Variants in SLC27A2 observed in about 807,000 individuals in gnomAD.
SLC27A2 encodes long-chain fatty acid transport protein 2.
A neutral mutation model predicts 60.0 loss-of-function variants in SLC27A2; 54 were observed. The observed-to-expected ratio is 0.90, with a 90% CI of 0.72 to 1.13. The LOEUF (loss-of-function observed/expected upper bound fraction) is 1.13. Ranked by LOEUF, SLC27A2 falls within the 50% of genes most tolerant of loss-of-function variation. SLC27A2 has a pLI of 0.00. For synonymous variants in SLC27A2, 297 were observed against 297.6 expected (o/e 1.00, Z 0.02); for missense variants, 739 against 777.6 (o/e 0.95, Z 0.59).
At chr15:50,184,885 G>A (rs939264374) in intron 1 of SLC27A2, among the ~76,000 whole-genome samples, 4 of 152,100 alleles carry the variant, frequency 2.6e-5, no homozygotes, top group African/African-American at 7.2e-5. Flanking sequence ...TAAATTATTT[G>A]GAAGAGATGG....
intron 1 of SLC27A2, among the ~76,000 whole-genome samples, chr15:50,196,067 A>ATAAAAATAAAAAT (rs71424049): frequency 4.1e-5 from 1 of 24,120 alleles, no homozygotes; most frequent in Non-Finnish European, 8.7e-5. Flanking sequence ...AAAAAAAAAA[A>ATAAAAATAAAAAT]AAAAAAAAAA....
intron 1 of SLC27A2, among the ~76,000 whole-genome samples, chr15:50,194,383 A>G (rs1490876702): frequency 6.6e-6 from 1 of 152,140 alleles, no homozygotes; most frequent in Non-Finnish European, 1.5e-5. Context: ...ACGTGAGCAT[A>G]CAGGTACCTT....
Position 50,182,573 on chromosome 15 carries a change from G to C in SLC27A2, c.146G>C (p.Arg49Pro). 6.2e-7 allele frequency: 1 copy of C among 1,611,238 alleles called. No individual in the cohort carries two copies. Among genetic ancestry groups the C allele is most frequent in the Non-Finnish European group, 8.5e-7 (1 of 1,178,830 alleles). ...VGRRVRSYGKRRPARTILRAF... is the reference protein window; with the variant it reads ...VGRRVRSYGKPRPARTILRAF... Reference sequence around the variant, plus strand: ...CGGAGGGTGCGCAGCTACGGGAAGCGGCGGCCGGCGCGCACCATCCTGCGG... The same window carrying C: ...CGGAGGGTGCGCAGCTACGGGAAGCCGCGGCCGGCGCGCACCATCCTGCGG... The change falls in exon 1 of 10, where the codon CGG (arginine) becomes CCG (proline). Residue 49 changes from arginine (R) to proline (P), a missense_variant. Physicochemically the swap from Arg to Pro is moderately radical, Grantham distance 103. Transcript: ENST00000267842.
chr15:50,197,423 A>G, intron 1 of SLC27A2, 77 bp from the exon 2 acceptor site: 2 of 1,107,034 alleles, frequency 1.8e-6, no homozygotes, highest in East Asian at 2.4e-5. Flanking sequence ...AAATAAAATT[A>G]TGATGCTTGT....
intron 2 of SLC27A2, among the ~76,000 whole-genome samples, chr15:50,200,320 T>TG (rs1359625791): frequency 2.0e-5 from 3 of 151,992 alleles, no homozygotes; most frequent in Admixed American, 6.6e-5. Context: ...CCCAGATACC[T>TG]GGGGGGCTGA....
intron 6 of SLC27A2, among the ~76,000 whole-genome samples, chr15:50,226,667 G>A (rs1169346141): frequency 6.6e-6 from 1 of 152,172 alleles, no homozygotes; most frequent in Non-Finnish European, 1.5e-5. Context: ...GGGAGGCAGA[G>A]GTTGCAGTGA....
intron 1 of SLC27A2, 55 bp downstream of exon 1, chr15:50,182,960 G>A: frequency 6.5e-7 from 1 of 1,527,950 alleles, no homozygotes; most frequent in Non-Finnish European, 8.8e-7. Flanking sequence ...CGCCTTGACT[G>A]ACGAGCCACA....
intron 1 of SLC27A2, among the ~76,000 whole-genome samples, chr15:50,192,890 A>T (rs2044986071): frequency 6.6e-6 from 1 of 151,858 alleles, no homozygotes; most frequent in Non-Finnish European, 1.5e-5. Flanking sequence ...AAAATAAGAA[A>T]AAAAAAAGAC....
intron 1 of SLC27A2, among the ~76,000 whole-genome samples, chr15:50,191,433 G>A (rs549480991): frequency 1.6e-4 from 25 of 152,250 alleles, no homozygotes; most frequent in Admixed American, 9.8e-4. Context: ...CTGGTCAATG[G>A]GCAGGTGTGA....
At chr15:50,187,497 C>T (rs936718663) in intron 1 of SLC27A2, among the ~76,000 whole-genome samples, 1 of 152,172 alleles carries the variant, frequency 6.6e-6, no homozygotes, top group Non-Finnish European at 1.5e-5. Flanking sequence ...TCAAGACCAT[C>T]AATAAACTAG....
chr15:50,200,841 C>T (rs1448055925), intron 2 of SLC27A2, among the ~76,000 whole-genome samples: 5 of 152,194 alleles, frequency 3.3e-5, no homozygotes, highest in Non-Finnish European at 7.4e-5. Flanking sequence ...TACGGTTTTT[C>T]ACCTTTCAGA....
chr15:50,196,000 G>A (rs577463906), intron 1 of SLC27A2, among the ~76,000 whole-genome samples: 5 of 135,620 alleles, frequency 3.7e-5, no homozygotes, highest in African/African-American at 1.4e-4. Context: ...GTTGCAGTGA[G>A]CCAAGATCGC....
At chr15:50,227,494 T>G (rs1026120828) in intron 7 of SLC27A2, among the ~76,000 whole-genome samples, 4 of 152,196 alleles carry the variant, frequency 2.6e-5, no homozygotes, top group Non-Finnish European at 5.9e-5. Flanking sequence ...CAGCCAAGGA[T>G]TTTCACCTTT....
chr15:50,197,801 A>C lies in SLC27A2; in HGVS notation c.688+92A>C, dbSNP rs2045035832. The C allele has an allele frequency of 1.8e-5, 15 of 838,624 alleles. 1 individual carries two copies. In the South Asian group the frequency reaches 2.3e-4, roughly 13 times the overall value. The allele number at this position is 838,624 out of a possible 1,614,324, so 51.9% of individuals were successfully genotyped here. The stretch of plus-strand genomic sequence containing the variant: ...CAAATCTCTTTCTTTGGCAAAACGT[A>C]TTGGGTAACTAATACTTCAGGAGAT... On this transcript the variant is annotated intron_variant, in intron 2 of 9. Transcript: ENST00000267842.
chr15:50,204,309 A>G (rs1595685016), intron 3 of SLC27A2, among the ~76,000 whole-genome samples: 1 of 152,196 alleles, frequency 6.6e-6, no homozygotes, highest in African/African-American at 2.4e-5. Context: ...TTCTTAAAAA[A>G]TACAAAAATT....
chr15:50,214,424 A>G (rs2045180484), intron 4 of SLC27A2, among the ~76,000 whole-genome samples: 1 of 152,168 alleles, frequency 6.6e-6, no homozygotes, highest in African/African-American at 2.4e-5. Context: ...TTTTGACACT[A>G]TTCCACAAGA....
intron 4 of SLC27A2, among the ~76,000 whole-genome samples, chr15:50,218,682 C>A (rs1025668308): frequency 2.6e-5 from 4 of 151,930 alleles, no homozygotes; most frequent in Non-Finnish European, 5.9e-5. Flanking sequence ...TATTCCAAGT[C>A]TCCACAAAAA....
At chr15:50,186,885 A>G (rs1479353860) in intron 1 of SLC27A2, among the ~76,000 whole-genome samples, 2 of 152,244 alleles carry the variant, frequency 1.3e-5, no homozygotes, top group Non-Finnish European at 2.9e-5. Context: ...CTATCACACC[A>G]TCTTGAACAT....
rs193212765 is a variant in SLC27A2, at chr15:50,226,661, G to A, written c.1259-319G>A. On this transcript the variant is annotated intron_variant, in intron 6 of 9. Coordinates refer to ENST00000267842, the MANE Select transcript of SLC27A2 (RefSeq NM_003645.4). ...GCAGGAGAATCCCTTGACCATGGGA[G>A]GCAGAGGTTGCAGTGAGCCGAGACT... is the stretch of plus-strand genomic sequence containing the variant. 9.8e-5 allele frequency among the ~76,000 whole-genome samples: 15 copies of A among 152,318 alleles called. No individual in the cohort carries two copies. In the East Asian group the frequency reaches 2.9e-3, roughly 29 times the overall value.
Sources: gnomAD v4.1 joint callset for allele counts (sites outside exome capture counted in the v4.1 genomes callset) on GRCh38, gnomAD v4.1.1 for gene constraint, MANE v1.5 for transcripts, NCBI Gene and HGNC (gene_info 2026-07-23, HGNC 2026-07-21) for gene names.